The following KCNT1 variants were observed in gnomAD, a reference collection of about 807,000 sequenced individuals.
KCNT1 encodes the protein potassium sodium-activated channel subfamily T member 1, also known as potassium channel subfamily T member 1.
In KCNT1, 78 loss-of-function variants were observed where a neutral mutation model predicts 147.8. That is an observed-to-expected ratio of 0.53 (90% CI 0.44 to 0.64). The LOEUF (loss-of-function observed/expected upper bound fraction) is 0.64, where lower values mean the gene tolerates loss of function less well. Ranked by LOEUF, KCNT1 falls within the 30% of genes least tolerant of loss-of-function variation. The probability of loss-of-function intolerance (pLI) is 0.00; values close to 1 mark genes in which losing one functional copy is unlikely to be tolerated. For missense variants in KCNT1, 1,419 were observed against 1,750.3 expected, an observed-to-expected ratio of 0.81 and a Z score of 3.38; for synonymous variants, 867 against 748.8, an observed-to-expected ratio of 1.16 and a Z score of -2.58.
rs1468895619 is a variant in KCNT1, at chr9:135,746,811, G to T, written c.255-3287G>T. Among the ~76,000 whole-genome samples, 10 of 152,134 alleles carry T rather than the reference G, an allele frequency of 6.6e-5. 1 individual carries two copies. In the East Asian group the frequency reaches 1.9e-3, roughly 29 times the overall value. ...GGGCGGAGCTGGGCACCCCCGCCTA[G>T]GAGGAGTGGCCAGGCAGGAGCCCAA... On this transcript the variant is annotated intron_variant, in intron 2 of 30. Transcript: ENST00000371757.
intron 24 of KCNT1, 80 bp from the exon 25 acceptor site, chr9:135,783,944 C>CAG: frequency 9.9e-7 from 1 of 1,011,656 alleles, no homozygotes; most frequent in Non-Finnish European, 1.5e-6. Context: ...GGTGCACACA[C>CAG]AGTGCCCTCG....
At chr9:135,706,271 G>T (rs1349194837) in intron 1 of KCNT1, among the ~76,000 whole-genome samples, 1 of 152,228 alleles carries the variant, frequency 6.6e-6, no homozygotes, top group Non-Finnish European at 1.5e-5. Context: ...GTTCGTCTTT[G>T]CCTTGTCACG....
At chr9:135,778,280 A>C in intron 21 of KCNT1, 144 bp from the exon 22 acceptor site, 1 of 684,044 alleles carries the variant, frequency 1.5e-6, no homozygotes, top group Non-Finnish European at 2.5e-6. Context: ...ACTGGCCTTA[A>C]AGTACTCCCC....
At chr9:135,738,006 G>A (rs111397470) in intron 2 of KCNT1, among the ~76,000 whole-genome samples, 3 of 152,194 alleles carry the variant, frequency 2.0e-5, no homozygotes, top group African/African-American at 7.2e-5. Context: ...TGGGGGGAAG[G>A]GGGAGGGCAG....
At chr9:135,715,467 T>C (rs1835685406) in intron 2 of KCNT1, among the ~76,000 whole-genome samples, 1 of 150,862 alleles carries the variant, frequency 6.6e-6, no homozygotes, top group Admixed American at 6.6e-5. Context: ...CACGCGGAGC[T>C]GGAGCCCGCG....
intron 9 of KCNT1, among the ~76,000 whole-genome samples, chr9:135,758,035 G>C (rs546417274): frequency 2.7e-5 from 4 of 148,190 alleles, no homozygotes; most frequent in African/African-American, 9.9e-5. Flanking sequence ...AGCAGAGGGG[G>C]TGCCCTACCC....
intron 29 of KCNT1, chr9:135,788,303 C>A: frequency 1.3e-6 from 1 of 752,540 alleles, no homozygotes. Context: ...CCCAGGCGGC[C>A]CTGTTGGGCA....
chr9:135,774,488 CTG>C (rs888661265), intron 19 of KCNT1, among the ~76,000 whole-genome samples: 1 of 123,206 alleles, frequency 8.1e-6, no homozygotes, highest in Non-Finnish European at 1.7e-5. Context: ...CGTGTTGTGT[CTG>C]TGTGGTGTGT....
intron 18 of KCNT1, 100 bp from the exon 19 acceptor site, chr9:135,772,615 C>T (rs1172088943): frequency 1.4e-5 from 12 of 827,836 alleles, no homozygotes; most frequent in South Asian, 3.4e-5. Flanking sequence ...CAGGCCATGA[C>T]AGGGTCTCCA....
chr9:135,750,818 G>T (rs1831113675), intron 3 of KCNT1, 124 bp from the exon 4 acceptor site: 6 of 813,732 alleles, frequency 7.4e-6, no homozygotes, highest in South Asian at 1.5e-5. Flanking sequence ...TCTGCGTGCA[G>T]CCCGGGTGTG....
At chr9:135,705,582 A>G (rs1340346659) in intron 1 of KCNT1, among the ~76,000 whole-genome samples, 1 of 152,226 alleles carries the variant, frequency 6.6e-6, no homozygotes, top group African/African-American at 2.4e-5. Flanking sequence ...TGCCCGTGCT[A>G]GGTGGCTGGG....
At chr9:135,718,794 G>A (rs542140115) in intron 2 of KCNT1, among the ~76,000 whole-genome samples, 13 of 152,324 alleles carry the variant, frequency 8.5e-5, no homozygotes, top group East Asian at 1.9e-4. Context: ...TGTTTCCCCC[G>A]GGAGTAGAGC....
In KCNT1 at chr9:135,730,780, G is replaced by A. The variant is rs1836396710; in HGVS notation, c.254+16060G>A. Among the ~76,000 whole-genome samples the A allele has an allele frequency of 6.6e-6, 1 of 152,064 alleles. No homozygotes were observed. The highest frequency in any genetic ancestry group is 2.4e-5 in the African/African-American group (1 of 41,410). On this transcript the variant is annotated intron_variant, in intron 2 of 30. Transcript: ENST00000371757. The surrounding 1 kb of genome is among the most constrained non-coding windows in gnomAD (Gnocchi z 4.7). ...GCAGGCAGATCTCTCGAGCTCAGGA[G>A]TTCCAGACCAGCCTGGGCAACATGG...
At chr9:135,788,776 G>A (rs965360619) in intron 29 of KCNT1, among the ~76,000 whole-genome samples, 2 of 152,302 alleles carry the variant, frequency 1.3e-5, no homozygotes, top group East Asian at 1.9e-4. Context: ...GAGCAGAGCC[G>A]CTCCACACCC....
chr9:135,775,893 A>C (rs940915718), intron 20 of KCNT1, among the ~76,000 whole-genome samples: 10 of 152,154 alleles, frequency 6.6e-5, no homozygotes, highest in African/African-American at 1.9e-4. Flanking sequence ...GCGTCTTAGC[A>C]ACTCCTTTCT....
chr9:135,785,489 G>A, intron 28 of KCNT1, 159 bp downstream of exon 28: 1 of 878,952 alleles, frequency 1.1e-6, no homozygotes, highest in Non-Finnish European at 1.8e-6. Flanking sequence ...CCCCAGCACG[G>A]CTCAGAGAAG....
At chr9:135,733,896 C>T (rs528776263) in intron 2 of KCNT1, among the ~76,000 whole-genome samples, 52 of 150,222 alleles carry the variant, frequency 3.5e-4, no homozygotes, top group African/African-American at 1.2e-3. Flanking sequence ...CTTTTGTCTT[C>T]CCCACCTTGG....
chr9:135,780,652 C>T (rs1833544851), intron 24 of KCNT1, among the ~76,000 whole-genome samples: 1 of 152,210 alleles, frequency 6.6e-6, no homozygotes, highest in African/African-American at 2.4e-5. Flanking sequence ...CAGGAGAGGG[C>T]TCTGTCTGCC....
At chr9:135,777,969 GT>G (rs1224142689) in intron 21 of KCNT1, among the ~76,000 whole-genome samples, 5 of 97,680 alleles carry the variant, frequency 5.1e-5, no homozygotes, top group East Asian at 3.1e-4. Context: ...CAGTTCCTCT[GT>G]CTCCCAGCTC....
Sources: allele counts gnomAD v4.1 joint callset (sites outside exome capture counted in the v4.1 genomes callset), GRCh38; gene constraint gnomAD v4.1.1; non-coding constraint Gnocchi (gnomAD v3.1); transcripts MANE v1.5; gene names NCBI Gene and HGNC (gene_info 2026-07-23, HGNC 2026-07-21).